ABCC12: variants seen among roughly 807,000 people sequenced by gnomAD.
The protein encoded by ABCC12 is ATP binding cassette subfamily C member 12.
ABCC12 carries 142 observed loss-of-function variants against 151.1 expected under a neutral mutation model. The ratio of observed to expected loss-of-function variants is 0.94; its 90% confidence interval spans 0.82 to 1.08. The LOEUF (loss-of-function observed/expected upper bound fraction) is 1.08, where lower values mean the gene tolerates loss of function less well. ABCC12 is among the 50% of genes least tolerant of loss of function. ABCC12 has a pLI of 0.00. For synonymous variants in ABCC12, 645 were observed against 646.4 expected, an observed-to-expected ratio of 1.00 and a Z score of 0.03; for missense variants, 1,638 against 1,691.1, an observed-to-expected ratio of 0.97 and a Z score of 0.55.
intron 3 of ABCC12, 112 bp from the exon 4 acceptor site, chr16:48,144,177 T>A (rs1964923231): frequency 3.1e-6 from 4 of 1,303,486 alleles, no homozygotes; most frequent in Non-Finnish European, 4.2e-6. Context: ...TCAGAATCTG[T>A]GACTTGCATT....
At chr16:48,096,272 G>T (rs1963091701) in intron 24 of ABCC12, among the ~76,000 whole-genome samples, 1 of 152,200 alleles carries the variant, frequency 6.6e-6, no homozygotes, top group Non-Finnish European at 1.5e-5. Flanking sequence ...ACTTAAAGTT[G>T]GAAATGGGTG....
At chr16:48,116,413 T>C (rs1446296000) in intron 14 of ABCC12, among the ~76,000 whole-genome samples, 3 of 152,174 alleles carry the variant, frequency 2.0e-5, no homozygotes, top group South Asian at 4.1e-4. Context: ...GAGTACTTTG[T>C]GGCAAATTAT....
intron 2 of ABCC12, among the ~76,000 whole-genome samples, chr16:48,151,851 G>A (rs1965121127): frequency 6.6e-6 from 1 of 152,198 alleles, no homozygotes; most frequent in Non-Finnish European, 1.5e-5. Flanking sequence ...ACTGAGTAAT[G>A]CAGACCTGTG....
chr16:48,140,661 C>G, intron 6 of ABCC12, 26 bp downstream of exon 6: 1 of 1,607,306 alleles, frequency 6.2e-7, no homozygotes, highest in Non-Finnish European at 8.5e-7. Context: ...CATTTTCCAA[C>G]ATTAAACTCC....
At chr16:48,090,420 T>G (rs2150585308) in intron 25 of ABCC12, among the ~76,000 whole-genome samples, 1 of 150,702 alleles carries the variant, frequency 6.6e-6, no homozygotes, top group South Asian at 2.1e-4. Context: ...TTTTTTTTTT[T>G]TTTGGTAGAG....
intron 2 of ABCC12, among the ~76,000 whole-genome samples, chr16:48,148,167 C>T (rs749636343): frequency 1.3e-5 from 2 of 151,622 alleles, no homozygotes; most frequent in African/African-American, 2.4e-5. Context: ...AGGTTGATAT[C>T]GAACTCCTGA....
At chr16:48,100,838 G>A in intron 23 of ABCC12, 34 bp downstream of exon 23, 1 of 1,607,742 alleles carries the variant, frequency 6.2e-7, no homozygotes, top group Non-Finnish European at 8.5e-7. Context: ...CATGAAGCAT[G>A]GGGGCCTGGG....
Position 48,149,872 on chromosome 16 carries a change from C to A in ABCC12, c.-50-3398G>T, listed in dbSNP as rs563716173. On this transcript the variant is annotated intron_variant, in intron 2 of 30. Transcript: ENST00000311303. ...ATCAGGAAAATATGAATTACAACCA[C>A]AATCACAATAACAGCCATTTCTCAT... Among the ~76,000 whole-genome samples, 16 of 152,268 alleles carry A rather than the reference C, an allele frequency of 1.1e-4. No homozygotes were observed. The South Asian group carries it at 3.3e-3, about 32-fold the overall frequency.
chr16:48,087,800 T>A, intron 27 of ABCC12, 126 bp downstream of exon 27: 1 of 1,050,080 alleles, frequency 9.5e-7, no homozygotes. Flanking sequence ...TGAGCCCCCC[T>A]GGGATACTGC....
chr16:48,139,887 A>T (rs982850626), intron 6 of ABCC12, among the ~76,000 whole-genome samples: 1 of 151,510 alleles, frequency 6.6e-6, no homozygotes, highest in Non-Finnish European at 1.5e-5. Context: ...GGATGGCTGG[A>T]TCTCTAGCAT....
chr16:48,132,153 G>GA (rs1404730394), intron 9 of ABCC12, among the ~76,000 whole-genome samples: 2 of 152,118 alleles, frequency 1.3e-5, no homozygotes, highest in East Asian at 3.8e-4. Flanking sequence ...GTTGCTGGAG[G>GA]AAAAAAATAG....
At chr16:48,102,825 A>G in intron 22 of ABCC12, among the ~76,000 whole-genome samples, 1 of 152,078 alleles carries the variant, frequency 6.6e-6, no homozygotes, top group East Asian at 1.9e-4. Flanking sequence ...ATCGCTCTCC[A>G]CCTTGAAATC....
At position 48,087,993 on chromosome 16, in the gene ABCC12, A is replaced by C. The variant is rs745992795; in HGVS notation, c.3568T>G (p.Leu1190Val). 4 of 1,614,244 alleles carry C rather than the reference A, an allele frequency of 2.5e-6. No individual in the cohort carries two copies. Among genetic ancestry groups the C allele is most frequent in the Admixed American group, 1.7e-5 (1 of 60,032 alleles). The change falls in exon 27 of 31, where the codon TTG becomes GTG. Residue 1190 changes from leucine to valine, a missense_variant. Transcript: ENST00000311303. ...IDEVDICILS[L>V]EDLRTKLTVI... The stretch of plus-strand genomic sequence containing the variant: ...GTCAGCTTGGTTCTGAGGTCTTCCA[A>C]GCTGAGAATGCAGATATCCACCTCA...
At chr16:48,085,469 G>A (rs1962546841) in intron 29 of ABCC12, 124 bp downstream of exon 29, 2 of 830,582 alleles carry the variant, frequency 2.4e-6, no homozygotes, top group East Asian at 2.6e-5. Context: ...AAAGTGATCG[G>A]TTTTTAAATG....
Position 48,130,850 on chromosome 16 carries a change from C to A in ABCC12, c.1174G>T (p.Ala392Ser). Residue 392 changes from alanine (A) to serine (S), a missense_variant, in exon 10 of 31, where the codon GCA becomes TCA. Physicochemically the swap from Ala to Ser is moderately conservative, Grantham distance 99. Coordinates refer to ENST00000311303, the MANE Select transcript of ABCC12 (RefSeq NM_001393797.1). ...AMFNVMKFSI[A>S]ILPFSIKAMA... ...GCTTTGATGGAGAAGGGCAAGATTGCAATGGAAAACTTCATTACATTAAAC... is the reference window on the plus strand; with the variant it reads ...GCTTTGATGGAGAAGGGCAAGATTGAAATGGAAAACTTCATTACATTAAAC... 1.2e-6 allele frequency: 2 copies of A among 1,613,770 alleles called. 1 individual carries two copies. The highest frequency in any genetic ancestry group is 2.2e-5 in the South Asian group (2 of 91,072).
chr16:48,131,825 GA>G (rs1055100693), intron 9 of ABCC12, among the ~76,000 whole-genome samples: 1 of 152,186 alleles, frequency 6.6e-6, no homozygotes, highest in Non-Finnish European at 1.5e-5. Context: ...AAAGGATAAT[GA>G]AAGATGCTTC....
intron 22 of ABCC12, 29 bp from the exon 23 acceptor site, chr16:48,101,038 G>T: frequency 6.2e-7 from 1 of 1,610,244 alleles, no homozygotes; most frequent in South Asian, 1.1e-5. Context: ...GGGCCAGGTG[G>T]GCCACAAAGT....
intron 13 of ABCC12, 189 bp downstream of exon 13, chr16:48,121,527 C>T (rs997441442): frequency 1.5e-6 from 1 of 656,704 alleles, no homozygotes; most frequent in African/African-American, 1.8e-5. Flanking sequence ...CGCAGGTCTG[C>T]AGAAGTCGCC....
chr16:48,153,936 AC>A (rs1465117171), intron 1 of ABCC12, 52 bp from the exon 2 acceptor site: 2 of 152,222 alleles, frequency 1.3e-5, no homozygotes, highest in Non-Finnish European at 2.9e-5. Flanking sequence ...GCTTTGGCTA[AC>A]GTCTCTATCC....
Sources: gnomAD v4.1 joint callset for allele counts (sites outside exome capture counted in the v4.1 genomes callset) on GRCh38, gnomAD v4.1.1 for gene constraint, MANE v1.5 for transcripts, NCBI Gene and HGNC (gene_info 2026-07-23, HGNC 2026-07-21) for gene names.